AFAP1: variants seen among roughly 807,000 people sequenced by gnomAD.
The protein encoded by AFAP1 is actin filament associated protein 1, also known as actin filament-associated protein 1.
In AFAP1, 75 loss-of-function variants were observed where a neutral mutation model predicts 93.9. That is an observed-to-expected ratio of 0.80 (90% CI 0.66 to 0.97). The LOEUF (loss-of-function observed/expected upper bound fraction) is 0.97, where lower values mean the gene tolerates loss of function less well. Among genes scored for constraint, AFAP1 ranks in the 50% least tolerant of loss-of-function variants. The pLI, the probability that AFAP1 is intolerant of heterozygous loss-of-function variation, is 0.00. For synonymous variants in AFAP1, 517 were observed against 430.7 expected (o/e 1.20, Z -2.48); for missense variants, 1,201 against 1,050.8 (o/e 1.14, Z -1.98).
At chr4:7,767,130 C>A (rs935800825) in intron 17 of AFAP1, among the ~76,000 whole-genome samples, 1 of 152,186 alleles carries the variant, frequency 6.6e-6, no homozygotes, top group African/African-American at 2.4e-5. Flanking sequence ...TCAGTCCGTC[C>A]CCTTCTGATT....
At chr4:7,865,216 A>AT (rs1716266964) in intron 3 of AFAP1, among the ~76,000 whole-genome samples, 1 of 152,172 alleles carries the variant, frequency 6.6e-6, no homozygotes, top group Non-Finnish European at 1.5e-5. Flanking sequence ...AAACACAGTG[A>AT]TTTTTATAGC....
chr4:7,849,697 C>T lies in AFAP1; in HGVS notation c.334+5769G>A, dbSNP rs147602628. Among the ~76,000 whole-genome samples the T allele has an allele frequency of 3.2e-3, 493 of 152,328 alleles. 1 individual carries two copies. The highest frequency in any genetic ancestry group is 5.1e-3 in the Non-Finnish European group (344 of 68,022). On this transcript the variant is annotated intron_variant, in intron 4 of 17. Transcript: ENST00000420658. ...TCAGACTCACAAAGGGCTTTCCCCTCGATCCTTCCAGCTGCCCCACACAAC... is the reference window on the plus strand; with the variant it reads ...TCAGACTCACAAAGGGCTTTCCCCTTGATCCTTCCAGCTGCCCCACACAAC...
chr4:7,871,834 A>T, intron 2 of AFAP1, 118 bp downstream of exon 2: 1 of 1,375,296 alleles, frequency 7.3e-7, no homozygotes, highest in Non-Finnish European at 9.9e-7. Context: ...CTTGATGAAT[A>T]AATAAGCTTG....
At chr4:7,818,165 G>GAA (rs1720650320) in intron 7 of AFAP1, among the ~76,000 whole-genome samples, 1 of 152,114 alleles carries the variant, frequency 6.6e-6, no homozygotes, top group African/African-American at 2.4e-5. Flanking sequence ...CTCAGTGGAA[G>GAA]AAAAACACTG....
intron 5 of AFAP1, among the ~76,000 whole-genome samples, chr4:7,841,377 TC>T (rs1315210941): frequency 4.6e-5 from 7 of 152,100 alleles, no homozygotes; most frequent in Non-Finnish European, 7.4e-5. Flanking sequence ...ATGCAGACAG[TC>T]CCCGAGGTGG....
intron 9 of AFAP1, among the ~76,000 whole-genome samples, chr4:7,801,322 G>C (rs1719003505): frequency 6.6e-6 from 1 of 152,016 alleles, no homozygotes; most frequent in South Asian, 2.1e-4. Flanking sequence ...AAACTCTAAA[G>C]TCTGAATCTT....
intron 2 of AFAP1, among the ~76,000 whole-genome samples, chr4:7,871,452 AGCCT>A (rs1430095920): frequency 6.6e-6 from 1 of 152,180 alleles, no homozygotes; most frequent in African/African-American, 2.4e-5. Flanking sequence ...GTCTCTGATG[AGCCT>A]GAATGGAAAT....
intron 1 of AFAP1, among the ~76,000 whole-genome samples, chr4:7,914,257 G>A (rs986543253): frequency 5.9e-5 from 9 of 152,038 alleles, no homozygotes; most frequent in East Asian, 5.8e-4. Context: ...GTTTCGCCAC[G>A]TTGGCCAGGC....
chr4:7,856,050 C>A (rs1416846665), intron 3 of AFAP1, among the ~76,000 whole-genome samples: 1 of 152,198 alleles, frequency 6.6e-6, no homozygotes, highest in Non-Finnish European at 1.5e-5. Context: ...CAGGCGCACC[C>A]AGCACTCATC....
chr4:7,910,715 T>G (rs903001031), intron 1 of AFAP1, among the ~76,000 whole-genome samples: 3 of 152,210 alleles, frequency 2.0e-5, no homozygotes, highest in Non-Finnish European at 4.4e-5. Flanking sequence ...TTCCACTGAC[T>G]CCAGCGTCCA....
chr4:7,867,298 T>C (rs932342837), intron 3 of AFAP1, among the ~76,000 whole-genome samples: 1 of 152,188 alleles, frequency 6.6e-6, no homozygotes, highest in Non-Finnish European at 1.5e-5. Context: ...AAATATATCC[T>C]AAGCACTTGA....
intron 4 of AFAP1, among the ~76,000 whole-genome samples, chr4:7,853,913 C>T (rs1714742816): frequency 6.6e-6 from 1 of 152,184 alleles, no homozygotes; most frequent in African/African-American, 2.4e-5. Context: ...CCTCAGTCAC[C>T]TCTTCTTCTG....
At chr4:7,790,678 G>C (rs1717782920) in intron 11 of AFAP1, among the ~76,000 whole-genome samples, 1 of 152,142 alleles carries the variant, frequency 6.6e-6, no homozygotes, top group Non-Finnish European at 1.5e-5. Context: ...CTTTAAATGT[G>C]CTTTCTTTAC....
chr4:7,801,093 CAGATTTTGGCTTAACATGA>C (rs1416792443), intron 9 of AFAP1, among the ~76,000 whole-genome samples: 4 of 151,604 alleles, frequency 2.6e-5, no homozygotes, highest in Non-Finnish European at 5.9e-5. Flanking sequence ...CACAGGCAGG[CAGATTTTGGCTTAACATGA>C]AGAAACAAAA....
chr4:7,770,360 T>A (rs192566249), intron 16 of AFAP1, among the ~76,000 whole-genome samples: 1 of 151,528 alleles, frequency 6.6e-6, no homozygotes, highest in African/African-American at 2.4e-5. Flanking sequence ...AACCGGGGAG[T>A]GAGGACTAAC....
chr4:7,783,332 G>A (rs749424467), intron 12 of AFAP1, among the ~76,000 whole-genome samples: 2 of 152,140 alleles, frequency 1.3e-5, no homozygotes, highest in Non-Finnish European at 2.9e-5. Flanking sequence ...TAGAGACAGG[G>A]TTTCACCATG....
intron 1 of AFAP1, among the ~76,000 whole-genome samples, chr4:7,894,155 C>T (rs1476132764): frequency 6.6e-6 from 1 of 152,200 alleles, no homozygotes; most frequent in Non-Finnish European, 1.5e-5. Flanking sequence ...ATGTCCTCAA[C>T]CATCCACAGC....
chr4:7,784,271 C>G (rs1349274262), intron 12 of AFAP1, among the ~76,000 whole-genome samples: 1 of 152,112 alleles, frequency 6.6e-6, no homozygotes, highest in Non-Finnish European at 1.5e-5. Flanking sequence ...GACTCTGAAG[C>G]TAGGATGGGA....
intron 1 of AFAP1, among the ~76,000 whole-genome samples, chr4:7,898,742 A>G (rs1484597278): frequency 2.7e-5 from 4 of 150,722 alleles, no homozygotes; most frequent in Non-Finnish European, 5.9e-5. Context: ...AACTAAGCAC[A>G]TCTATTTTTT....
Sources: gnomAD v4.1 joint callset for allele counts (sites outside exome capture counted in the v4.1 genomes callset) on GRCh38, gnomAD v4.1.1 for gene constraint, MANE v1.5 for transcripts, NCBI Gene and HGNC (gene_info 2026-07-23, HGNC 2026-07-21) for gene names.